Variants in DNAJC5B observed in about 807,000 individuals in gnomAD.
DNAJC5B encodes DnaJ heat shock protein family (Hsp40) member C5 beta, also known as dnaJ homolog subfamily C member 5B.
In DNAJC5B, 23 loss-of-function variants were observed where a neutral mutation model predicts 24.7. That is an observed-to-expected ratio of 0.93 (90% CI 0.67 to 1.32). DNAJC5B has a LOEUF of 1.32. Ranked by LOEUF, DNAJC5B falls within the 40% of genes most tolerant of loss-of-function variation. The pLI is 0.00. For synonymous variants in DNAJC5B, 101 were observed against 90.1 expected (o/e 1.12, Z -0.68); for missense variants, 238 against 240.8 (o/e 0.99, Z 0.08).
chr8:66,026,495 C>T (rs1806246385), intron 1 of DNAJC5B, among the ~76,000 whole-genome samples: 1 of 152,252 alleles, frequency 6.6e-6, no homozygotes, highest in African/African-American at 2.4e-5. Context: ...AAGGAAGCTA[C>T]CTCTCTGAAG....
At chr8:66,084,937 T>G (rs994607170) in intron 5 of DNAJC5B, among the ~76,000 whole-genome samples, 1 of 152,146 alleles carries the variant, frequency 6.6e-6, no homozygotes, top group African/African-American at 2.4e-5. Context: ...AGTTTCTGAG[T>G]TTTATGTTTA....
At chr8:66,068,719 A>G (rs1057505979) in intron 3 of DNAJC5B, among the ~76,000 whole-genome samples, 3 of 152,168 alleles carry the variant, frequency 2.0e-5, no homozygotes, top group Admixed American at 6.6e-5. Flanking sequence ...CATGAAAGAT[A>G]TTAAACCACA....
rs78575551 is a variant in DNAJC5B at position 66,080,469 on chromosome 8, C to T, written c.426C>T (p.Pro142=). Residue 142 remains proline, a synonymous_variant, in exon 5 of 6, where the codon CCC becomes CCT. Coordinates refer to ENST00000276570, the MANE Select transcript of DNAJC5B (RefSeq NM_033105.6). ...ACTGCTGCTGTGGACACTGCCGGCC[C>T]GAGTCATCAGTGCCAGAAGAGGACT... The part of the protein sequence containing the change: ...CCNCCCGHCR[P]ESSVPEEDFY... 8,789 of 1,613,918 alleles carry T rather than the reference C, an allele frequency of 5.4e-3. 24 individuals carry two copies. Among genetic ancestry groups the T allele is most frequent in the Non-Finnish European group, 6.9e-3 (8,191 of 1,179,968 alleles).
At chr8:66,018,608 A>C (rs1806024351), upstream of DNAJC5B, among the ~76,000 whole-genome samples, 1 of 152,216 alleles carries the variant, frequency 6.6e-6, no homozygotes, top group Non-Finnish European at 1.5e-5. Flanking sequence ...CTTCTGGCCT[A>C]GAGCATTGTT....
upstream of DNAJC5B, among the ~76,000 whole-genome samples, chr8:66,021,296 A>C (rs1317679060): frequency 6.6e-6 from 1 of 152,084 alleles, no homozygotes; most frequent in Non-Finnish European, 1.5e-5. Flanking sequence ...GTCTCTCCCC[A>C]CAGTTAAGAT....
upstream of DNAJC5B, among the ~76,000 whole-genome samples, chr8:66,020,676 C>T (rs927920486): frequency 3.3e-5 from 5 of 149,928 alleles, no homozygotes; most frequent in Admixed American, 1.3e-4. Context: ...TTCATTCTGC[C>T]GTCCAGGCTG....
chr8:66,065,663 G>T (rs1586094522), intron 3 of DNAJC5B, among the ~76,000 whole-genome samples: 1 of 152,268 alleles, frequency 6.6e-6, no homozygotes, highest in South Asian at 2.1e-4. Flanking sequence ...GGATTTAGGG[G>T]CTGATCAAGA....
intron 3 of DNAJC5B, among the ~76,000 whole-genome samples, chr8:66,067,526 T>A (rs1159742895): frequency 6.6e-6 from 1 of 152,176 alleles, no homozygotes; most frequent in Admixed American, 6.5e-5. Context: ...GGGATGGCTC[T>A]CTGACCCAAT....
intron 1 of DNAJC5B, among the ~76,000 whole-genome samples, chr8:66,022,919 A>G (rs773694290): frequency 5.9e-5 from 9 of 152,244 alleles, no homozygotes; most frequent in Non-Finnish European, 8.8e-5. Flanking sequence ...ATTGATAGCC[A>G]TTGAAAACTA....
chr8:66,087,915 C>T lies in DNAJC5B; in HGVS notation c.505+7367C>T, dbSNP rs868700593. Among the ~76,000 whole-genome samples, 7 of 152,262 alleles carry T rather than the reference C, an allele frequency of 4.6e-5. No individual in the cohort carries two copies. The South Asian group carries it at 1.4e-3, about 31-fold the overall frequency. ...TTCTTGGTGCAAGCTATTGATGGATCTACCTTTCTAGGATCTGGAGGATGG... is the reference window on the plus strand; with the variant it reads ...TTCTTGGTGCAAGCTATTGATGGATTTACCTTTCTAGGATCTGGAGGATGG... On this transcript the variant is annotated intron_variant, in intron 5 of 5. Transcript: ENST00000276570.
At chr8:66,040,001 G>C (rs182822087) in intron 1 of DNAJC5B, among the ~76,000 whole-genome samples, 18 of 152,216 alleles carry the variant, frequency 1.2e-4, no homozygotes, top group Non-Finnish European at 7.4e-5. Flanking sequence ...ATAATTCTTG[G>C]CACATCGTAG....
At chr8:66,078,801 C>A (rs1005102010) in intron 4 of DNAJC5B, among the ~76,000 whole-genome samples, 16 of 152,076 alleles carry the variant, frequency 1.1e-4, no homozygotes, top group Non-Finnish European at 2.2e-4. Context: ...CTCCAAGCCA[C>A]CAGAGGCTCC....
intron 3 of DNAJC5B, among the ~76,000 whole-genome samples, chr8:66,054,537 T>C (rs1415961710): frequency 6.6e-6 from 1 of 152,206 alleles, no homozygotes; most frequent in African/African-American, 2.4e-5. Context: ...TATCTATTAA[T>C]GGGAAATTCT....
At chr8:66,060,281 C>A (rs1807053133) in intron 3 of DNAJC5B, among the ~76,000 whole-genome samples, 1 of 152,178 alleles carries the variant, frequency 6.6e-6, no homozygotes, top group South Asian at 2.1e-4. Flanking sequence ...AAGATGCATT[C>A]TTTTCCAGAA....
intron 5 of DNAJC5B, among the ~76,000 whole-genome samples, chr8:66,087,089 G>C (rs963001838): frequency 6.6e-6 from 1 of 152,138 alleles, no homozygotes; most frequent in Admixed American, 6.5e-5. Context: ...CAGAGTATGG[G>C]TAATTTATAA....
chr8:66,059,104 C>A (rs917627034), intron 3 of DNAJC5B, among the ~76,000 whole-genome samples: 11 of 152,180 alleles, frequency 7.2e-5, no homozygotes. Context: ...ATGGTCTCAT[C>A]CAGGGCCTTC....
chr8:66,056,271 A>G (rs1806960778), intron 3 of DNAJC5B, among the ~76,000 whole-genome samples: 1 of 152,156 alleles, frequency 6.6e-6, no homozygotes, highest in Admixed American at 6.5e-5. Context: ...TGCCAACAAC[A>G]TTAGACAAGC....
intron 1 of DNAJC5B, among the ~76,000 whole-genome samples, chr8:66,035,747 C>A (rs1018167532): frequency 6.6e-6 from 1 of 152,174 alleles, no homozygotes; most frequent in South Asian, 2.1e-4. Context: ...TGTGGTACCT[C>A]GTTACGGCAG....
chr8:66,026,754 C>T (rs1265296343), intron 1 of DNAJC5B, among the ~76,000 whole-genome samples: 1 of 152,216 alleles, frequency 6.6e-6, no homozygotes, highest in Non-Finnish European at 1.5e-5. Context: ...GCTGTTTACC[C>T]TGCTATCCCA....
Sources: allele counts gnomAD v4.1 joint callset (sites outside exome capture counted in the v4.1 genomes callset), GRCh38; gene constraint gnomAD v4.1.1; transcripts MANE v1.5; gene names NCBI Gene and HGNC (gene_info 2026-07-23, HGNC 2026-07-21).